Variants in PCDH15 observed in about 807,000 individuals in gnomAD.
PCDH15 encodes the protein protocadherin related 15, also known as protocadherin-15.
A neutral mutation model predicts 178.5 loss-of-function variants in PCDH15; 129 were observed. The observed-to-expected ratio is 0.72, with a 90% CI of 0.63 to 0.84. PCDH15 has a LOEUF of 0.84. Ranked by LOEUF, PCDH15 falls within the 40% of genes least tolerant of loss-of-function variation. The pLI is 0.00. For missense variants in PCDH15, 2,230 were observed against 2,099.9 expected (o/e 1.06, Z -1.21); for synonymous variants, 800 against 732.0 (o/e 1.09, Z -1.50).
rs1191798766 is a variant in PCDH15 at position 53,803,051 on chromosome 10, T to C, written c.*3528A>G. ...TAACTAAAGCTTCTTATGATAAAGA[T>C]CAAAATTAACTATTGAAAACCAATA... On this transcript the variant is annotated 3_prime_UTR_variant, in exon 38 of 38. Transcript: ENST00000644397. 6.6e-6 allele frequency: 1 copy of C among 151,728 alleles called. No individual in the cohort carries two copies. The highest frequency in any genetic ancestry group is 1.5e-5 in the Non-Finnish European group (1 of 67,780). The allele number at this position is 151,728 out of a possible 1,614,324, so 9.4% of individuals were successfully genotyped here.
chr10:54,110,318 T>TAAAA (rs35932845), intron 15 of PCDH15, among the ~76,000 whole-genome samples: 6 of 135,720 alleles, frequency 4.4e-5, no homozygotes, highest in Non-Finnish European at 8.0e-5. Flanking sequence ...GTGGAAAGAT[T>TAAAA]AAAAAAAAAA....
intron 3 of PCDH15, among the ~76,000 whole-genome samples, chr10:54,476,507 T>C (rs2078283844): frequency 1.3e-5 from 2 of 152,088 alleles, no homozygotes; most frequent in Non-Finnish European, 2.9e-5. Context: ...GGTAAATTAT[T>C]TGATAAAATT....
chr10:54,710,943 G>A (rs142836133), intron 1 of PCDH15, among the ~76,000 whole-genome samples: 1 of 152,014 alleles, frequency 6.6e-6, no homozygotes, highest in Non-Finnish European at 1.5e-5. Flanking sequence ...TAATAATAAT[G>A]CAGCAGGCAT....
intron 11 of PCDH15, among the ~76,000 whole-genome samples, chr10:54,194,610 A>ATGTG (rs33956261): frequency 0.14 from 21,598 of 150,700 alleles, 3,126 homozygotes; most frequent in African/African-American, 0.38. Flanking sequence ...TTTTATATAT[A>ATGTG]TGTGTGTGTG....
chr10:54,833,312 T>C (rs1953257912), intron 3 of PCDH15, among the ~76,000 whole-genome samples: 1 of 152,164 alleles, frequency 6.6e-6, no homozygotes, highest in Non-Finnish European at 1.5e-5. Flanking sequence ...TTTGTTTAGT[T>C]AAACATTAGA....
At chr10:54,363,328 G>T (rs2384454) in intron 5 of PCDH15, among the ~76,000 whole-genome samples, 64,485 of 152,018 alleles carry the variant, frequency 0.42, 14,730 homozygotes, top group Middle Eastern at 0.6. Context: ...ACATGGAAAA[G>T]TTGTGGGGCT....
chr10:55,449,086 A>G (rs1354991127), intron 2 of PCDH15, among the ~76,000 whole-genome samples: 1 of 152,020 alleles, frequency 6.6e-6, no homozygotes, highest in Non-Finnish European at 1.5e-5. Context: ...GATTGAGGTA[A>G]TTATTCTCAT....
intron 26 of PCDH15, among the ~76,000 whole-genome samples, chr10:53,878,326 G>T (rs4492712): frequency 0.77 from 109,044 of 141,424 alleles, 42,628 homozygotes; most frequent in East Asian, 1. Flanking sequence ...TATATATATA[G>T]TCTATATAGT....
chr10:55,408,094 T>C (rs1838243812), intron 2 of PCDH15, among the ~76,000 whole-genome samples: 1 of 152,144 alleles, frequency 6.6e-6, no homozygotes, highest in South Asian at 2.1e-4. Flanking sequence ...ACAGTTAAGT[T>C]CTACCAAATG....
At chr10:55,008,516 G>A (rs1433238853) in intron 2 of PCDH15, among the ~76,000 whole-genome samples, 2 of 152,146 alleles carry the variant, frequency 1.3e-5, no homozygotes, top group East Asian at 3.9e-4. Flanking sequence ...ACAGCCCAAA[G>A]AAAGATGTAC....
At chr10:54,288,985 C>T (rs2059214751) in intron 8 of PCDH15, among the ~76,000 whole-genome samples, 1 of 152,248 alleles carries the variant, frequency 6.6e-6, no homozygotes, top group Admixed American at 6.5e-5. Flanking sequence ...TTAAAAATCC[C>T]TGTCTGACGC....
chr10:55,557,081 T>C (rs1842105250), intron 2 of PCDH15, among the ~76,000 whole-genome samples: 1 of 152,166 alleles, frequency 6.6e-6, no homozygotes, highest in Admixed American at 6.6e-5. Context: ...AGCATTCCTG[T>C]TCACAATTGT....
In PCDH15 at chr10:54,235,348, G is replaced by C. The variant is rs148426812; in HGVS notation, c.985+1475C>G. 3.9e-3 allele frequency among the ~76,000 whole-genome samples: 595 copies of C among 152,280 alleles called. 3 individuals carry two copies. The highest frequency in any genetic ancestry group is 0.014 in the African/African-American group (561 of 41,542). ...GTGATAGGGGTTGCTTCACAGGGTA[G>C]GTGATCGTTTGTTGAGAAAAAGAAT... On this transcript the variant is annotated intron_variant, in intron 9 of 37. Coordinates refer to ENST00000644397, the MANE Select transcript of PCDH15 (RefSeq NM_001384140.1).
chr10:53,809,007 T>C, intron 37 of PCDH15: 1 of 1,579,094 alleles, frequency 6.3e-7, no homozygotes, highest in South Asian at 1.1e-5. Flanking sequence ...GTTCTTCTTG[T>C]GGCTCCTCTT....
chr10:54,916,937 G>T (rs1273945416), intron 2 of PCDH15, among the ~76,000 whole-genome samples: 2 of 152,112 alleles, frequency 1.3e-5, no homozygotes, highest in Non-Finnish European at 2.9e-5. Context: ...ACATAGGAGA[G>T]TCCCAGCAGA....
intron 3 of PCDH15, among the ~76,000 whole-genome samples, chr10:54,844,149 T>G (rs554813780): frequency 6.6e-6 from 1 of 152,170 alleles, no homozygotes; most frequent in South Asian, 2.1e-4. Context: ...CAGTTCCATT[T>G]GGCAAATACA....
At chr10:54,328,373 T>C (rs1378085375) in intron 7 of PCDH15, among the ~76,000 whole-genome samples, 1 of 152,054 alleles carries the variant, frequency 6.6e-6, no homozygotes, top group African/African-American at 2.4e-5. Context: ...TGGGACTTTT[T>C]ATGTGACCTC....
chr10:54,784,372 T>C (rs886775846), intron 1 of PCDH15, among the ~76,000 whole-genome samples: 7 of 149,292 alleles, frequency 4.7e-5, no homozygotes, highest in South Asian at 2.1e-4. Context: ...TGTTGTCACA[T>C]GTAGGGGAAT....
chr10:54,687,958 C>T (rs2095044436), intron 1 of PCDH15, among the ~76,000 whole-genome samples: 2 of 151,878 alleles, frequency 1.3e-5, no homozygotes, highest in African/African-American at 4.8e-5. Context: ...AGAGATCTGC[C>T]AAACAACATT....
Sources: gnomAD v4.1 joint callset for allele counts (sites outside exome capture counted in the v4.1 genomes callset) on GRCh38, gnomAD v4.1.1 for gene constraint, MANE v1.5 for transcripts, NCBI Gene and HGNC (gene_info 2026-07-23, HGNC 2026-07-21) for gene names.